The following GALNT17 variants were observed in gnomAD, a reference collection of about 807,000 sequenced individuals.
GALNT17 encodes the protein polypeptide N-acetylgalactosaminyltransferase 17, also known as UDP-GalNAc:polypeptide N-acetylgalactosaminyltransferase-like 3.
GALNT17 carries 29 observed loss-of-function variants against 63.7 expected under a neutral mutation model. That is an observed-to-expected ratio of 0.46 (90% confidence interval 0.34 to 0.62). The LOEUF is 0.62. Among genes scored for constraint, GALNT17 ranks in the 20% least tolerant of loss-of-function variants. The pLI is 0.01. For missense variants in GALNT17, 603 were observed against 799.6 expected, an observed-to-expected ratio of 0.75 and a Z score of 2.97; for synonymous variants, 305 against 318.3, an observed-to-expected ratio of 0.96 and a Z score of 0.45.
intron 6 of GALNT17, among the ~76,000 whole-genome samples, chr7:71,584,838 T>C (rs932164990): frequency 5.3e-5 from 8 of 152,186 alleles, no homozygotes; most frequent in African/African-American, 1.9e-4. Flanking sequence ...CACTGCAAGC[T>C]CTGCCTCTCG....
At position 71,712,170 on chromosome 7, in the gene GALNT17, G is replaced by C. The variant is rs751177240; in HGVS notation, c.*24G>C. 4 of 1,605,682 alleles carry C rather than the reference G, an allele frequency of 2.5e-6. No homozygotes were observed. The highest frequency in any genetic ancestry group is 1.7e-4 in the Middle Eastern group (1 of 5,890). Reference sequence around the variant, plus strand: ...AGAGGGAGGGAGCTGGGGCACTGGAGCCTGGCCCCCAGGACATGGCTGCTC... The same window carrying C: ...AGAGGGAGGGAGCTGGGGCACTGGACCCTGGCCCCCAGGACATGGCTGCTC... On this transcript the variant is annotated 3_prime_UTR_variant, in exon 11 of 11. Transcript: ENST00000333538.
chr7:71,621,128 T>G lies in GALNT17; in HGVS notation c.1081-44283T>G, dbSNP rs577566505. Among the ~76,000 whole-genome samples, 5 of 152,298 alleles carry G rather than the reference T, an allele frequency of 3.3e-5. No individual in the cohort carries two copies. The South Asian group carries it at 1.0e-3, about 32-fold the overall frequency. On this transcript the variant is annotated intron_variant, in intron 6 of 10. Transcript: ENST00000333538. ...ACAGCATTCCCATATTTTAATTGGA[T>G]CCTTAGGTAAAGAGAGTTTTAGCCA... is the stretch of plus-strand genomic sequence containing the variant.
intron 6 of GALNT17, among the ~76,000 whole-genome samples, chr7:71,604,933 C>T (rs1790023565): frequency 6.6e-6 from 1 of 152,136 alleles, no homozygotes; most frequent in African/African-American, 2.4e-5. Flanking sequence ...GCAGAGTGCC[C>T]CCATTCTAGG....
rs923070065 is a variant in GALNT17 at position 71,246,605 on chromosome 7, C to T, written c.239-88945C>T. ...CAGCACTTTGGGAGGCCGAGGAGGG[C>T]GGATCACGAGGTCAGGAGATCGAGA... is the stretch of plus-strand genomic sequence containing the variant. On this transcript the variant is annotated intron_variant, in intron 1 of 10. Coordinates refer to ENST00000333538, the MANE Select transcript of GALNT17 (RefSeq NM_022479.3). Among the ~76,000 whole-genome samples the T allele has an allele frequency of 4.6e-5, 7 of 151,504 alleles. 1 individual carries two copies. Among genetic ancestry groups the T allele is most frequent in the African/African-American group, 4.8e-5 (2 of 41,328 alleles).
At chr7:71,711,631 CTCTCT>C (rs1791793486) in intron 10 of GALNT17, among the ~76,000 whole-genome samples, 1 of 150,822 alleles carries the variant, frequency 6.6e-6, no homozygotes, top group Non-Finnish European at 1.5e-5. Flanking sequence ...TGTTCCTCTC[CTCTCT>C]TCTCTTTTTT....
intron 9 of GALNT17, among the ~76,000 whole-genome samples, chr7:71,705,921 A>G (rs1271445236): frequency 6.6e-6 from 1 of 152,194 alleles, no homozygotes; most frequent in African/African-American, 2.4e-5. Flanking sequence ...GAGACGCTCA[A>G]GGAAGGAGCA....
intron 6 of GALNT17, among the ~76,000 whole-genome samples, chr7:71,615,845 A>T (rs942428231): frequency 3.3e-5 from 5 of 152,142 alleles, no homozygotes; most frequent in Non-Finnish European, 5.9e-5. Context: ...TGAATGAATG[A>T]GACCATGAGA....
intron 2 of GALNT17, 89 bp from the exon 3 acceptor site, chr7:71,388,146 T>A: frequency 7.1e-7 from 1 of 1,415,562 alleles, no homozygotes; most frequent in East Asian, 2.3e-5. Flanking sequence ...TGGATGAGGA[T>A]TCGGCTGAAA....
At chr7:71,675,936 C>A (rs759043034) in intron 8 of GALNT17, among the ~76,000 whole-genome samples, 10 of 152,102 alleles carry the variant, frequency 6.6e-5, no homozygotes, top group Non-Finnish European at 1.2e-4. Flanking sequence ...TGCAGTGAGT[C>A]GAGATCGCGC....
intron 1 of GALNT17, among the ~76,000 whole-genome samples, chr7:71,334,821 G>C (rs1456833194): frequency 6.6e-6 from 1 of 152,206 alleles, no homozygotes; most frequent in African/African-American, 2.4e-5. Context: ...ATTAGGGAAA[G>C]AGCTGTGTCA....
intron 3 of GALNT17, among the ~76,000 whole-genome samples, chr7:71,395,936 T>G (rs1432671134): frequency 1.3e-5 from 2 of 152,186 alleles, no homozygotes; most frequent in Non-Finnish European, 2.9e-5. Flanking sequence ...ATTTTAAAAT[T>G]GATTATTTGA....
intron 9 of GALNT17, among the ~76,000 whole-genome samples, chr7:71,697,570 CAG>C (rs1791563770): frequency 6.6e-6 from 1 of 152,084 alleles, no homozygotes; most frequent in African/African-American, 2.4e-5. Flanking sequence ...GTCGTAAACT[CAG>C]AGAATAATGC....
chr7:71,246,612 C>T (rs1462522845), intron 1 of GALNT17, among the ~76,000 whole-genome samples: 6 of 151,612 alleles, frequency 4.0e-5, no homozygotes, highest in African/African-American at 1.5e-4. Flanking sequence ...GGGCGGATCA[C>T]GAGGTCAGGA....
At chr7:71,693,176 TATAA>T (rs1169915146) in intron 9 of GALNT17, among the ~76,000 whole-genome samples, 4 of 149,636 alleles carry the variant, frequency 2.7e-5, no homozygotes, top group Admixed American at 6.8e-5. Context: ...TATACTATAA[TATAA>T]ATAGTGTGTG....
intron 2 of GALNT17, among the ~76,000 whole-genome samples, chr7:71,339,349 TC>T (rs1257777334): frequency 6.6e-6 from 1 of 152,128 alleles, no homozygotes; most frequent in African/African-American, 2.4e-5. Context: ...TGAGAAAGTT[TC>T]TTGTTTGAGA....
At position 71,132,874 on chromosome 7, in the gene GALNT17, C is replaced by G; in HGVS notation, c.72C>G (p.Phe24Leu). 1 of 1,613,160 alleles carries G rather than the reference C, an allele frequency of 6.2e-7. No individual in the cohort carries two copies. Among genetic ancestry groups the G allele is most frequent in the Non-Finnish European group, 8.5e-7 (1 of 1,179,530 alleles). ...NLIAVAGFVL[F>L]LAKCRPIAVR... ...TCGCGGTAGCCGGCTTCGTGCTCTT[C>G]CTGGCCAAGTGCCGGCCCATCGCGG... is the stretch of plus-strand genomic sequence containing the variant. Residue 24 changes from phenylalanine to leucine, a missense_variant, in exon 1 of 11, where the codon TTC becomes TTG. Phe to Leu is a conservative substitution (Grantham distance 22, BLOSUM62 0). Coordinates refer to ENST00000333538, the MANE Select transcript of GALNT17 (RefSeq NM_022479.3).
chr7:71,270,913 C>T (rs1583817234), intron 1 of GALNT17, among the ~76,000 whole-genome samples: 2 of 149,186 alleles, frequency 1.3e-5, no homozygotes, highest in South Asian at 2.1e-4. Context: ...GTTTTGTCCT[C>T]ATCTTATCTG....
At chr7:71,307,119 T>C (rs929892805) in intron 1 of GALNT17, among the ~76,000 whole-genome samples, 6 of 152,036 alleles carry the variant, frequency 3.9e-5, no homozygotes, top group African/African-American at 1.4e-4. Context: ...CCACCACCCC[T>C]GGTCCCTGCT....
At chr7:71,187,282 C>CTTTTTT (rs752197934) in intron 1 of GALNT17, among the ~76,000 whole-genome samples, 3 of 141,066 alleles carry the variant, frequency 2.1e-5, no homozygotes, top group African/African-American at 2.9e-5. Context: ...GCTAATTTTT[C>CTTTTTT]TTTCTTTTTT....
Sources: allele counts gnomAD v4.1 joint callset (sites outside exome capture counted in the v4.1 genomes callset), GRCh38; gene constraint gnomAD v4.1.1; transcripts MANE v1.5; gene names NCBI Gene and HGNC (gene_info 2026-07-23, HGNC 2026-07-21).